NAV1: variants seen among roughly 807,000 people sequenced by gnomAD.
The protein encoded by NAV1 is pore membrane and/or filament interacting like protein 3.
Under a neutral mutation model 175.2 loss-of-function variants are expected in NAV1, and 18 were observed. The ratio of observed to expected loss-of-function variants is 0.10; its 90% CI spans 0.07 to 0.15. NAV1 has a LOEUF of 0.15. Among genes scored for constraint, NAV1 ranks in the 10% least tolerant of loss-of-function variants. NAV1 has a pLI of 1.00. For missense variants in NAV1, 1,731 were observed against 2,436.6 expected (o/e 0.71, Z 6.10); for synonymous variants, 897 against 978.7 (o/e 0.92, Z 1.56).
chr1:201,554,813 ACAGAAATCTATAGTGT>A (rs1178832639), intron 1 of NAV1, among the ~76,000 whole-genome samples: 7 of 152,202 alleles, frequency 4.6e-5, no homozygotes, highest in South Asian at 2.1e-4. Flanking sequence ...GCTTAATGAA[ACAGAAATCTATAGTGT>A]CAGTTCTGGA....
intron 1 of NAV1, among the ~76,000 whole-genome samples, chr1:201,668,233 C>G (rs929108903): frequency 2.0e-5 from 3 of 152,158 alleles, no homozygotes; most frequent in Non-Finnish European, 4.4e-5. Context: ...CTAGGAGGCT[C>G]CCATCCCTCC....
chr1:201,719,874 A>AAAGAC, intron 3 of NAV1, among the ~76,000 whole-genome samples: 1 of 152,226 alleles, frequency 6.6e-6, no homozygotes, highest in East Asian at 1.9e-4. Context: ...TCTCCTCGGA[A>AAAGAC]AAGACGAGAG....
chr1:201,783,006 C>G, intron 6 of NAV1, 137 bp downstream of exon 10: 1 of 700,302 alleles, frequency 1.4e-6, no homozygotes, highest in Non-Finnish European at 2.3e-6. Flanking sequence ...TCCCACCTCT[C>G]CCCCATATGC....
intron 1 of NAV1, among the ~76,000 whole-genome samples, chr1:201,655,745 G>T (rs1019230922): frequency 6.6e-6 from 1 of 152,240 alleles, no homozygotes; most frequent in Non-Finnish European, 1.5e-5. Context: ...TTGCACTTAA[G>T]GTGTGTCTGG....
chr1:201,661,388 C>T (rs143581289), intron 1 of NAV1, among the ~76,000 whole-genome samples: 2 of 152,264 alleles, frequency 1.3e-5, no homozygotes, highest in South Asian at 2.1e-4. Flanking sequence ...GATACAGTAT[C>T]GTGGCTAGTG....
chr1:201,741,576 A>C (rs1157614286), intron 3 of NAV1, among the ~76,000 whole-genome samples: 1 of 152,172 alleles, frequency 6.6e-6, no homozygotes, highest in Non-Finnish European at 1.5e-5. Context: ...CCTACTTCAG[A>C]TCCACATAGG....
At chr1:201,728,599 CA>C (rs1278753255) in intron 3 of NAV1, among the ~76,000 whole-genome samples, 886 of 58,794 alleles carry the variant, frequency 0.015, 3 homozygotes, top group Non-Finnish European at 0.024. Context: ...CATCGCAAAA[CA>C]AAAAAAAAAA....
At chr1:201,550,953 C>G (rs778263513) in intron 1 of NAV1, among the ~76,000 whole-genome samples, 4 of 152,266 alleles carry the variant, frequency 2.6e-5, no homozygotes, top group Non-Finnish European at 4.4e-5. Context: ...CAGGCCTTCA[C>G]TGCAAAGGTT....
Position 201,804,278 on chromosome 1 carries a change from G to T in NAV1, c.3640-211G>T, listed in dbSNP as rs995260721. Among the ~76,000 whole-genome samples, 6 of 152,038 alleles carry T rather than the reference G, an allele frequency of 3.9e-5. No individual in the cohort carries two copies. In the East Asian group the frequency reaches 9.6e-4, roughly 24 times the overall value. On this transcript the variant is annotated intron_variant, in intron 16 of 29. Coordinates refer to ENST00000367296, the Ensembl canonical transcript of NAV1. ...GACCTTTCTGAAATTCTTCAGGCAG[G>T]TCTAGACACTCTCAGCCCCTCTTGC...
At chr1:201,559,727 C>A (rs1280305693) in intron 1 of NAV1, among the ~76,000 whole-genome samples, 3 of 152,146 alleles carry the variant, frequency 2.0e-5, no homozygotes, top group Non-Finnish European at 4.4e-5. Context: ...CCGTGCCATC[C>A]GCCAATAGGT....
chr1:201,583,256 C>T (rs991546457), intron 1 of NAV1, among the ~76,000 whole-genome samples: 18 of 152,264 alleles, frequency 1.2e-4, no homozygotes, highest in Admixed American at 1.0e-3. Flanking sequence ...TAGCCCTGAT[C>T]GCTGTGCTTG....
rs765623649 is a variant in NAV1, at chr1:201,718,504, G to A, written c.975G>A (p.Leu325=). 1.2e-6 allele frequency: 2 copies of A among 1,608,912 alleles called. No individual in the cohort carries two copies. The highest frequency in any genetic ancestry group is 1.7e-6 in the Non-Finnish European group (2 of 1,176,576). ...GCTATGGCCAGTCCAGTCCGCGGCTGCAGGCTGGTGACGCGCCCTCTGTGG... is the reference window on the plus strand; with the variant it reads ...GCTATGGCCAGTCCAGTCCGCGGCTACAGGCTGGTGACGCGCCCTCTGTGG... The change falls in exon 3 of 30, where the codon CTG becomes CTA. Residue 325 remains leucine, a synonymous_variant. Coordinates refer to ENST00000367296, the Ensembl canonical transcript of NAV1. The surrounding 1 kb of genome is among the most constrained non-coding windows in gnomAD (Gnocchi z 4.8).
At chr1:201,586,636 G>A (rs911199265) in intron 1 of NAV1, among the ~76,000 whole-genome samples, 2 of 152,080 alleles carry the variant, frequency 1.3e-5, no homozygotes, top group Non-Finnish European at 2.9e-5. Context: ...AGGCACACAT[G>A]GGGGTGGGAG....
intron 28 of NAV1, among the ~76,000 whole-genome samples, chr1:201,815,059 T>TAA (rs963605473): frequency 7.0e-6 from 1 of 142,290 alleles, no homozygotes; most frequent in South Asian, 2.2e-4. Context: ...AAAAAAAAGT[T>TAA]AAAAAAAAAA....
intron 2 of NAV1, among the ~76,000 whole-genome samples, chr1:201,597,800 G>T (rs1667398376): frequency 6.6e-6 from 1 of 152,222 alleles, no homozygotes; most frequent in Non-Finnish European, 1.5e-5. Flanking sequence ...ATTTCCTCCT[G>T]CTGTGCCCGT....
chr1:201,707,206 G>A (rs750359440), intron 1 of NAV1, among the ~76,000 whole-genome samples: 1 of 152,144 alleles, frequency 6.6e-6, no homozygotes, highest in Non-Finnish European at 1.5e-5. Context: ...TGTCAGGTCC[G>A]TTGAGCTGCA....
Position 201,787,636 on chromosome 1 carries a change from C to T in NAV1, c.2996-832C>T. On this transcript the variant is annotated intron_variant, in intron 9 of 29. Transcript: ENST00000367296. This position sits in a 1 kb window ranked among gnomAD's most constrained non-coding sequence, Gnocchi z 4.3. ...TGAAAAGGTCAACAGAGAGGTGTGC[C>T]ATCTTCTTCTGCACAGGTCTTTATG... is the stretch of plus-strand genomic sequence containing the variant. 2.2e-6 allele frequency: 1 copy of T among 456,024 alleles called. No individual in the cohort carries two copies. The highest frequency in any genetic ancestry group is 3.3e-4 in the Middle Eastern group (1 of 3,076). The allele number at this position is 456,024 out of a possible 1,614,324, so 28.2% of individuals were successfully genotyped here.
At chr1:201,826,244 G>A (rs1411681632) in exon 30 of NAV1, 2 of 152,150 alleles carry the variant, frequency 1.3e-5, no homozygotes, top group African/African-American at 2.4e-5. Flanking sequence ...GTCCCCAGAA[G>A]GCTGATGGTG....
intron 3 of NAV1, among the ~76,000 whole-genome samples, chr1:201,744,741 A>T (rs769160026): frequency 3.5e-4 from 53 of 152,178 alleles, no homozygotes; most frequent in Non-Finnish European, 6.6e-4. Flanking sequence ...CAGAGGGACA[A>T]GAGCTTATTT....
Sources: gnomAD v4.1 joint callset for allele counts (sites outside exome capture counted in the v4.1 genomes callset) on GRCh38, gnomAD v4.1.1 for gene constraint, Gnocchi (gnomAD v3.1) non-coding constraint, MANE v1.5 for transcripts, NCBI Gene and HGNC (gene_info 2026-07-23, HGNC 2026-07-21) for gene names.